Variants in C6orf62 observed in about 807,000 individuals in gnomAD.
C6orf62 encodes chromosome 6 open reading frame 62.
Under a neutral mutation model 26.8 loss-of-function variants are expected in C6orf62, and 16 were observed. The ratio of observed to expected loss-of-function variants is 0.60; its 90% CI spans 0.40 to 0.91. C6orf62 has a LOEUF of 0.91. C6orf62 is among the 40% of genes least tolerant of loss of function. C6orf62 has a pLI of 0.00. For missense variants in C6orf62, 192 were observed against 271.4 expected (o/e 0.71, Z 2.06); for synonymous variants, 112 against 91.5 (o/e 1.22, Z -1.28).
chr6:24,705,822 T>C lies in C6orf62; in HGVS notation c.*315A>G. 5.1e-6 allele frequency: 1 copy of C among 197,632 alleles called. No homozygotes were observed. The highest frequency in any genetic ancestry group is 2.3e-5 in the African/African-American group (1 of 43,134). The allele number at this position is 197,632 out of a possible 1,614,324, so 12.2% of individuals were successfully genotyped here. On this transcript the variant is annotated 3_prime_UTR_variant, in exon 5 of 5. Coordinates refer to ENST00000378119, the MANE Select transcript of C6orf62 (RefSeq NM_030939.5). ...GAAGACCATAAAAATGAGTATCACC[T>C]TGTGCTTTCAGATACATTTAAGCAT...
At position 24,706,378 on chromosome 6, in the gene C6orf62, T is replaced by C. The variant is rs185799918; in HGVS notation, c.565-116A>G. 6.3e-4 allele frequency: 881 copies of C among 1,407,528 alleles called. 2 individuals carry two copies. Among genetic ancestry groups the C allele is most frequent in the South Asian group, 8.6e-4 (61 of 71,066 alleles). The allele number at this position is 1,407,528 out of a possible 1,614,324, so 87.2% of individuals were successfully genotyped here. On this transcript the variant is annotated intron_variant, in intron 4 of 4. Coordinates refer to ENST00000378119, the MANE Select transcript of C6orf62 (RefSeq NM_030939.5). ...CTTAACATACAGAGTAAGGGACAAATTGTAGTCCCTATCCATATTCTAGAC... is the reference window on the plus strand; with the variant it reads ...CTTAACATACAGAGTAAGGGACAAACTGTAGTCCCTATCCATATTCTAGAC...
intron 1 of C6orf62, among the ~76,000 whole-genome samples, chr6:24,717,176 C>T (rs1375170655): frequency 6.6e-6 from 1 of 152,180 alleles, no homozygotes; most frequent in Non-Finnish European, 1.5e-5. Flanking sequence ...TGGACACTGT[C>T]CATTCACAGA....
At chr6:24,720,487 A>T, upstream of C6orf62, 2 of 686,678 alleles carry the variant, frequency 2.9e-6, no homozygotes, top group Non-Finnish European at 3.7e-6. Flanking sequence ...GGACGCGGAG[A>T]CAGCGGCAAC....
Position 24,718,949 on chromosome 6 carries a change from G to A in C6orf62, c.-281C>T. 2 of 1,209,086 alleles carry A rather than the reference G, an allele frequency of 1.7e-6. No homozygotes were observed. The highest frequency in any genetic ancestry group is 2.1e-6 in the Non-Finnish European group (2 of 969,144). 74.9% of individuals were successfully genotyped at this position (1,209,086 alleles called of 1,614,324 possible). ...GAGGAAAGAAAGGAAAGAAAGAGGA[G>A]AAAATAACTAACTTTCTGGAAAACA... is the stretch of plus-strand genomic sequence containing the variant. On this transcript the variant is annotated 5_prime_UTR_variant, in exon 1 of 5. Coordinates refer to ENST00000378119, the MANE Select transcript of C6orf62 (RefSeq NM_030939.5).
rs1056289472 is a variant in C6orf62, at chr6:24,718,946, G to A, written c.-278C>T. 1.3e-5 allele frequency: 16 copies of A among 1,219,238 alleles called. No homozygotes were observed. The highest frequency in any genetic ancestry group is 3.4e-4 in the Middle Eastern group (1 of 2,972). The allele number at this position is 1,219,238 out of a possible 1,614,324, so 75.5% of individuals were successfully genotyped here. A position where few individuals can be genotyped will look rare whatever the true frequency, so the allele number is the denominator to read the frequency against. ...AGGGAGGAAAGAAAGGAAAGAAAGA[G>A]GAGAAAATAACTAACTTTCTGGAAA... On this transcript the variant is annotated 5_prime_UTR_variant, in exon 1 of 5. Transcript: ENST00000378119.
intron 3 of C6orf62, among the ~76,000 whole-genome samples, chr6:24,710,930 T>A (rs1779108807): frequency 6.6e-6 from 1 of 152,056 alleles, no homozygotes; most frequent in Non-Finnish European, 1.5e-5. Context: ...AGTTCAAGGC[T>A]GCAGTGAGCC....
At chr6:24,714,868 C>T (rs1779192510) in intron 2 of C6orf62, among the ~76,000 whole-genome samples, 1 of 152,208 alleles carries the variant, frequency 6.6e-6, no homozygotes, top group South Asian at 2.1e-4. Flanking sequence ...ATCCACCCAC[C>T]TCAGCCTCCC....
At position 24,718,680 on chromosome 6, in the gene C6orf62, G is replaced by C. The variant is rs777609389; in HGVS notation, c.-12C>G. 6.2e-7 allele frequency: 1 copy of C among 1,613,468 alleles called. No homozygotes were observed. The highest frequency in any genetic ancestry group is 8.5e-7 in the Non-Finnish European group (1 of 1,179,914). On this transcript the variant is annotated 5_prime_UTR_variant, in exon 1 of 5. Coordinates refer to ENST00000378119, the MANE Select transcript of C6orf62 (RefSeq NM_030939.5). ...TTTGGGTCCCCCATTTTGAAATACAGGTGGTACTAAAGCCTTTGGAAATTG... is the reference window on the plus strand; with the variant it reads ...TTTGGGTCCCCCATTTTGAAATACACGTGGTACTAAAGCCTTTGGAAATTG...
At chr6:24,715,777 G>A (rs913445750) in intron 2 of C6orf62, among the ~76,000 whole-genome samples, 4 of 150,336 alleles carry the variant, frequency 2.7e-5, no homozygotes, top group East Asian at 3.9e-4. Context: ...GAATGCGCGA[G>A]GGCAGAGGTT....
At chr6:24,710,893 G>A (rs1476108755) in intron 3 of C6orf62, among the ~76,000 whole-genome samples, 2 of 152,064 alleles carry the variant, frequency 1.3e-5, no homozygotes, top group Non-Finnish European at 2.9e-5. Context: ...TCATGAGGTT[G>A]AGGTGGGAGG....
At chr6:24,720,294 CGGCGGG>C (rs201841846), upstream of C6orf62, 9,434 of 1,304,506 alleles carry the variant, frequency 7.2e-3, 639 homozygotes, top group East Asian at 0.16. Flanking sequence ...GAGGCGGCGG[CGGCGGG>C]GGCGCTGCTG....
intron 3 of C6orf62, chr6:24,710,010 AAT>A: frequency 1.0e-6 from 1 of 984,296 alleles, no homozygotes; most frequent in Non-Finnish European, 1.2e-6. Flanking sequence ...CGTAACATAA[AAT>A]ATGATACAGC....
chr6:24,710,058 G>A lies in C6orf62; in HGVS notation c.430-1147C>T, dbSNP rs994520817. 1.4e-5 allele frequency: 14 copies of A among 982,652 alleles called. No homozygotes were observed. In the African/African-American group the frequency reaches 2.1e-4, roughly 15 times the overall value. 60.9% of individuals were successfully genotyped at this position (982,652 alleles called of 1,614,324 possible). A position where few individuals can be genotyped will look rare whatever the true frequency, so the allele number is the denominator to read the frequency against. On this transcript the variant is annotated intron_variant, in intron 3 of 4. Transcript: ENST00000378119. The stretch of plus-strand genomic sequence containing the variant: ...ACCATATGTAAAATGATACTGAATT[G>A]TACTTCCATACAATTCAAATATTAA...
At chr6:24,710,445 G>T in intron 3 of C6orf62, 2 of 396,260 alleles carry the variant, frequency 5.0e-6, no homozygotes, top group Non-Finnish European at 6.9e-6. Context: ...TGTGTTTTTA[G>T]TAGAGATAGG....
At chr6:24,708,216 A>C (rs1381079881) in intron 4 of C6orf62, among the ~76,000 whole-genome samples, 1 of 150,048 alleles carries the variant, frequency 6.7e-6, no homozygotes, top group Admixed American at 6.7e-5. Context: ...TAGAATCATG[A>C]CTTTTAAAAG....
chr6:24,714,539 A>G, intron 2 of C6orf62, 99 bp from the exon 3 acceptor site: 2 of 796,932 alleles, frequency 2.5e-6, no homozygotes, highest in Non-Finnish European at 3.9e-6. Context: ...ACATTTTATA[A>G]GTACAAAAGA....
chr6:24,706,219 C>T lies in C6orf62; in HGVS notation c.608G>A (p.Cys203Tyr). 6.2e-7 allele frequency: 1 copy of T among 1,614,198 alleles called. No homozygotes were observed. Among genetic ancestry groups the T allele is most frequent in the Non-Finnish European group, 8.5e-7 (1 of 1,180,034 alleles). ...GAGCTGTTCCTGTGGCAGGTAGAGGCAGATGCTGCATAACTTGAAGATTGT... is the reference window on the plus strand; with the variant it reads ...GAGCTGTTCCTGTGGCAGGTAGAGGTAGATGCTGCATAACTTGAAGATTGT... ...KATIFKLCSI[C>Y]LYLPQEQLTH... The change falls in exon 5 of 5, where the codon TGC becomes TAC. Residue 203 changes from cysteine to tyrosine, a missense_variant. Cys to Tyr is a radical substitution (Grantham distance 194). Coordinates refer to ENST00000378119, the MANE Select transcript of C6orf62 (RefSeq NM_030939.5).
upstream of C6orf62, chr6:24,719,417 AACT>A (rs1779307008): frequency 9.6e-7 from 1 of 1,043,470 alleles, no homozygotes; most frequent in Non-Finnish European, 1.2e-6. Context: ...CCCTGCAATC[AACT>A]ACAGTGTATA....
chr6:24,715,941 CT>C (rs1779219778), intron 2 of C6orf62, among the ~76,000 whole-genome samples: 1 of 150,846 alleles, frequency 6.6e-6, no homozygotes, highest in Non-Finnish European at 1.5e-5. Context: ...TAAGAATGGT[CT>C]GGCGTAAAAA....
Sources: allele counts gnomAD v4.1 joint callset (sites outside exome capture counted in the v4.1 genomes callset), GRCh38; gene constraint gnomAD v4.1.1; transcripts MANE v1.5; gene names NCBI Gene and HGNC (gene_info 2026-07-23, HGNC 2026-07-21).